BTRC: variants seen among roughly 807,000 people sequenced by gnomAD.
The protein encoded by BTRC is beta-transducin repeat containing E3 ubiquitin protein ligase, also known as F-box/WD repeat-containing protein 1A.
Under a neutral mutation model 85.5 loss-of-function variants are expected in BTRC, and 42 were observed. That is an observed-to-expected ratio of 0.49 (90% confidence interval 0.38 to 0.64). The LOEUF (loss-of-function observed/expected upper bound fraction) is 0.64. Among genes scored for constraint, BTRC ranks in the 30% least tolerant of loss-of-function variants. The probability of loss-of-function intolerance (pLI) is 0.00; values close to 1 mark genes in which losing one functional copy is unlikely to be tolerated. For synonymous variants in BTRC, 255 were observed against 263.3 expected (o/e 0.97, Z 0.30); for missense variants, 594 against 743.5 (o/e 0.80, Z 2.34).
chr10:101,527,082 T>G (rs2062203580), intron 6 of BTRC, among the ~76,000 whole-genome samples: 1 of 152,194 alleles, frequency 6.6e-6, no homozygotes, highest in Non-Finnish European at 1.5e-5. Flanking sequence ...CAAATAAAGG[T>G]GACATATTAA....
intron 1 of BTRC, among the ~76,000 whole-genome samples, chr10:101,412,816 G>A (rs189203031): frequency 1.1e-4 from 16 of 152,238 alleles, no homozygotes; most frequent in Admixed American, 3.9e-4. Flanking sequence ...GTCTGTTGGC[G>A]ATTAAGTTTA....
intron 13 of BTRC, among the ~76,000 whole-genome samples, chr10:101,539,590 G>A (rs1383585966): frequency 6.6e-6 from 1 of 152,136 alleles, no homozygotes; most frequent in African/African-American, 2.4e-5. Flanking sequence ...TTCACTGATT[G>A]TTTCTCGTTT....
At chr10:101,479,564 T>A in intron 4 of BTRC, 107 bp downstream of exon 4, 1 of 841,674 alleles carries the variant, frequency 1.2e-6, no homozygotes, top group African/African-American at 1.7e-5. Context: ...GATTATATAG[T>A]TAAGAAAAAA....
At chr10:101,383,123 G>A (rs1321739519) in intron 1 of BTRC, among the ~76,000 whole-genome samples, 2 of 145,966 alleles carry the variant, frequency 1.4e-5, no homozygotes, top group East Asian at 2.0e-4. Flanking sequence ...GAGTGCTGTG[G>A]TGCTATCACA....
intron 11 of BTRC, 120 bp from the exon 12 acceptor site, chr10:101,536,423 G>A: frequency 1.5e-6 from 1 of 683,890 alleles, no homozygotes; most frequent in East Asian, 2.6e-5. Flanking sequence ...ACATATCTGT[G>A]TGGGTGGTGA....
chr10:101,374,796 A>G (rs1391536376), intron 1 of BTRC, among the ~76,000 whole-genome samples: 4 of 152,170 alleles, frequency 2.6e-5, no homozygotes, highest in African/African-American at 4.8e-5. Context: ...TAAAAAAAAA[A>G]AAAAGAAAAG....
At chr10:101,406,250 C>T (rs1431687458) in intron 1 of BTRC, among the ~76,000 whole-genome samples, 4 of 151,218 alleles carry the variant, frequency 2.6e-5, no homozygotes, top group Admixed American at 1.3e-4. Context: ...TATCTCAGCT[C>T]ACTGCAAGCT....
chr10:101,531,436 G>A, intron 7 of BTRC, 103 bp downstream of exon 7: 1 of 877,990 alleles, frequency 1.1e-6, no homozygotes, highest in South Asian at 1.8e-5. Flanking sequence ...TTATTGACAT[G>A]AGTTGGGAAT....
At chr10:101,510,099 A>C (rs1187739555) in intron 4 of BTRC, among the ~76,000 whole-genome samples, 2 of 152,044 alleles carry the variant, frequency 1.3e-5, no homozygotes, top group East Asian at 3.9e-4. Context: ...GCACCATTGC[A>C]CTCCAGCCTA....
At chr10:101,502,641 C>T (rs1946424815) in intron 4 of BTRC, among the ~76,000 whole-genome samples, 1 of 152,102 alleles carries the variant, frequency 6.6e-6, no homozygotes, top group Non-Finnish European at 1.5e-5. Flanking sequence ...ATAGTAGCAT[C>T]CTTCTTGGTG....
intron 3 of BTRC, among the ~76,000 whole-genome samples, chr10:101,476,750 A>G (rs1220661213): frequency 1.3e-5 from 2 of 151,452 alleles, no homozygotes; most frequent in Admixed American, 6.6e-5. Flanking sequence ...GAACTTTACT[A>G]TTTTTGTACT....
chr10:101,450,080 A>C (rs899923087), intron 2 of BTRC, among the ~76,000 whole-genome samples: 3 of 152,022 alleles, frequency 2.0e-5, no homozygotes, highest in Non-Finnish European at 4.4e-5. Flanking sequence ...GAGCCAAAAA[A>C]AAAAACCTGT....
intron 1 of BTRC, among the ~76,000 whole-genome samples, chr10:101,389,466 C>T (rs1236846024): frequency 6.6e-6 from 1 of 152,054 alleles, no homozygotes; most frequent in African/African-American, 2.4e-5. Context: ...CTAATATCTT[C>T]CTTTTGGACT....
At chr10:101,379,305 C>T (rs1942870762) in intron 1 of BTRC, among the ~76,000 whole-genome samples, 1 of 152,142 alleles carries the variant, frequency 6.6e-6, no homozygotes, top group African/African-American at 2.4e-5. Flanking sequence ...ACATACAATT[C>T]TTAGGTTTAT....
intron 1 of BTRC, among the ~76,000 whole-genome samples, chr10:101,406,573 C>G (rs1943630763): frequency 9.4e-6 from 1 of 106,424 alleles, no homozygotes; most frequent in African/African-American, 3.6e-5. Context: ...CTCACTCTTT[C>G]ACCCAGGCTG....
chr10:101,392,408 A>G (rs1943258221), intron 1 of BTRC, among the ~76,000 whole-genome samples: 3 of 152,374 alleles, frequency 2.0e-5, no homozygotes, highest in Admixed American at 1.3e-4. Flanking sequence ...ACATTTAACC[A>G]TTTAACATCA....
chr10:101,357,497 A>C (rs1245294313), intron 1 of BTRC, among the ~76,000 whole-genome samples: 1 of 151,306 alleles, frequency 6.6e-6, no homozygotes, highest in South Asian at 2.1e-4. Context: ...TAATTAGTGC[A>C]CAGTACACAT....
intron 13 of BTRC, among the ~76,000 whole-genome samples, chr10:101,546,196 A>G (rs2062555583): frequency 6.6e-6 from 1 of 152,210 alleles, no homozygotes; most frequent in Admixed American, 6.5e-5. Context: ...TCCCAAGGAA[A>G]TTACACCAAG....
At chr10:101,532,777 T>C (rs140076652) in intron 8 of BTRC, among the ~76,000 whole-genome samples, 175 bp from the exon 9 acceptor site, 17 of 70,198 alleles carry the variant, frequency 2.4e-4, no homozygotes, top group Non-Finnish European at 3.5e-4. Flanking sequence ...TGTGTGTGTG[T>C]GTGTGTGTGT....
Sources: gnomAD v4.1 joint callset for allele counts (sites outside exome capture counted in the v4.1 genomes callset) on GRCh38, gnomAD v4.1.1 for gene constraint, MANE v1.5 for transcripts, NCBI Gene and HGNC (gene_info 2026-07-23, HGNC 2026-07-21) for gene names.